Variants in NAV1 observed in about 807,000 individuals in gnomAD.
The protein encoded by NAV1 is pore membrane and/or filament interacting like protein 3.
NAV1 carries 18 observed loss-of-function variants against 175.2 expected under a neutral mutation model. That is an observed-to-expected ratio of 0.10 (90% CI 0.07 to 0.15). The LOEUF is 0.15. Among genes scored for constraint, NAV1 ranks in the 10% least tolerant of loss-of-function variants. The probability of loss-of-function intolerance (pLI) is 1.00; values close to 1 mark genes in which losing one functional copy is unlikely to be tolerated. For synonymous variants in NAV1, 897 were observed against 978.7 expected, an observed-to-expected ratio of 0.92 and a Z score of 1.56; for missense variants, 1,731 against 2,436.6, an observed-to-expected ratio of 0.71 and a Z score of 6.10.
intron 2 of NAV1, among the ~76,000 whole-genome samples, chr1:201,630,637 G>A (rs1391006777): frequency 6.6e-6 from 1 of 152,196 alleles, no homozygotes; most frequent in Non-Finnish European, 1.5e-5. Context: ...TCCATGACAA[G>A]CCTTGTGGAG....
intron 15 of NAV1, 67 bp downstream of exon 19, chr1:201,794,644 A>T: frequency 7.3e-7 from 1 of 1,363,546 alleles, no homozygotes; most frequent in Non-Finnish European, 1.0e-6. Context: ...ACAGATTTTT[A>T]TCTGGGCCCA....
At chr1:201,739,258 C>T (rs61821715) in intron 3 of NAV1, 21,900 of 152,178 alleles carry the variant, frequency 0.14, 1,818 homozygotes, top group African/African-American at 0.24. Context: ...ATGTTAGGCC[C>T]CACCCCCTGA....
At chr1:201,660,722 T>C (rs1254500864) in intron 1 of NAV1, among the ~76,000 whole-genome samples, 2 of 152,238 alleles carry the variant, frequency 1.3e-5, no homozygotes, top group African/African-American at 4.8e-5. Flanking sequence ...AGCGCTTTGT[T>C]TGCGTAAACC....
intron 17 of NAV1, among the ~76,000 whole-genome samples, chr1:201,804,712 T>C (rs994027230): frequency 6.6e-6 from 1 of 151,930 alleles, no homozygotes; most frequent in African/African-American, 2.4e-5. Flanking sequence ...AGTGGTCTGG[T>C]TGGGGGCCAA....
At chr1:201,777,294 G>C (rs1353841219) in intron 3 of NAV1, among the ~76,000 whole-genome samples, 3 of 152,220 alleles carry the variant, frequency 2.0e-5, no homozygotes, top group Admixed American at 6.5e-5. Context: ...AGCAGATCCA[G>C]AGAGCAAACA....
chr1:201,604,040 T>C (rs904959924), intron 2 of NAV1, among the ~76,000 whole-genome samples: 1 of 152,186 alleles, frequency 6.6e-6, no homozygotes, highest in Non-Finnish European at 1.5e-5. Flanking sequence ...CCCTGTAAGA[T>C]ACATGCTGCT....
intron 3 of NAV1, among the ~76,000 whole-genome samples, chr1:201,777,086 A>C (rs1025113933): frequency 1.3e-5 from 2 of 152,246 alleles, no homozygotes; most frequent in African/African-American, 4.8e-5. Flanking sequence ...ACATGTAAAG[A>C]TGGAATAAAG....
chr1:201,599,631 A>G lies in NAV1; in HGVS notation c.-33+10982A>G, dbSNP rs76020742. Among the ~76,000 whole-genome samples, 529 of 152,294 alleles carry G rather than the reference A, an allele frequency of 3.5e-3. 6 individuals are homozygous for G. Among genetic ancestry groups the G allele is most frequent in the African/African-American group, 0.012 (509 of 41,560 alleles). On this transcript the variant is annotated intron_variant, in intron 2 of 33. Transcript: ENST00000685211. ...GCTCAAGTCATGGGAGCTTCTCTCCATGAATTTTGCGTCTGTCATGAGCCC... is the reference window on the plus strand; with the variant it reads ...GCTCAAGTCATGGGAGCTTCTCTCCGTGAATTTTGCGTCTGTCATGAGCCC...
chr1:201,608,731 G>A (rs988540165), intron 2 of NAV1, among the ~76,000 whole-genome samples: 3 of 152,310 alleles, frequency 2.0e-5, no homozygotes, highest in Non-Finnish European at 4.4e-5. Flanking sequence ...GTCAGCTGGG[G>A]GAGGAGGGTT....
chr1:201,797,997 T>C (rs1413796435), intron 15 of NAV1: 12 of 152,212 alleles, frequency 7.9e-5, no homozygotes, highest in Non-Finnish European at 1.5e-4. Flanking sequence ...TCTAACTTAA[T>C]ATGTCCAAAA....
intron 1 of NAV1, among the ~76,000 whole-genome samples, chr1:201,540,197 G>C (rs1187978582): frequency 6.6e-6 from 1 of 152,194 alleles, no homozygotes; most frequent in African/African-American, 2.4e-5. Context: ...CCGGCAGAGA[G>C]GGTTCCTTGT....
chr1:201,764,488 C>G (rs7339959), intron 3 of NAV1, among the ~76,000 whole-genome samples: 1 of 152,160 alleles, frequency 6.6e-6, no homozygotes, highest in Non-Finnish European at 1.5e-5. Flanking sequence ...GACACGAGTC[C>G]TATCAGATGA....
intron 1 of NAV1, among the ~76,000 whole-genome samples, chr1:201,702,695 T>C (rs1408327537): frequency 6.7e-6 from 1 of 149,736 alleles, no homozygotes; most frequent in African/African-American, 2.5e-5. Flanking sequence ...TCTCTCTCTC[T>C]CTCTCTCTCT....
exon 1 of NAV1, chr1:201,648,644 C>A (rs531687350): frequency 5.6e-5 from 74 of 1,316,454 alleles, no homozygotes; most frequent in Middle Eastern, 2.8e-4. Context: ...ACGCGCGGAT[C>A]GTCCATGCGC....
At chr1:201,581,075 A>G (rs1218584146) in intron 1 of NAV1, among the ~76,000 whole-genome samples, 1 of 152,172 alleles carries the variant, frequency 6.6e-6, no homozygotes, top group East Asian at 1.9e-4. Flanking sequence ...AGGAGAAGTT[A>G]GCAGAGGTAG....
intron 3 of NAV1, among the ~76,000 whole-genome samples, chr1:201,774,073 G>A (rs2102683316): frequency 6.6e-6 from 1 of 152,308 alleles, no homozygotes; most frequent in Middle Eastern, 3.4e-3. Context: ...TGAGGTCTCT[G>A]CATTCTTTGT....
At chr1:201,776,391 C>T (rs927682375) in intron 3 of NAV1, among the ~76,000 whole-genome samples, 3 of 149,680 alleles carry the variant, frequency 2.0e-5, no homozygotes, top group Admixed American at 6.7e-5. Context: ...CCTATAATCC[C>T]AGCACTTTGG....
intron 1 of NAV1, among the ~76,000 whole-genome samples, chr1:201,680,777 G>A (rs1375809349): frequency 1.3e-5 from 2 of 149,316 alleles, no homozygotes; most frequent in East Asian, 4.1e-4. Flanking sequence ...TTCGCCCAGT[G>A]GGGGTCTGGA....
intron 1 of NAV1, among the ~76,000 whole-genome samples, chr1:201,663,493 C>T (rs1201301831): frequency 1.3e-5 from 2 of 152,172 alleles, no homozygotes; most frequent in Non-Finnish European, 2.9e-5. Flanking sequence ...TCATTTCCCT[C>T]TCTGTCCCGG....
Sources: gnomAD v4.1 joint callset for allele counts (sites outside exome capture counted in the v4.1 genomes callset) on GRCh38, gnomAD v4.1.1 for gene constraint, MANE v1.5 for transcripts, NCBI Gene and HGNC (gene_info 2026-07-23, HGNC 2026-07-21) for gene names.